Variants in CPLX1 observed in about 807,000 individuals in gnomAD.
The protein encoded by CPLX1 is complexin-1.
Under a neutral mutation model 15.6 loss-of-function variants are expected in CPLX1, and 6 were observed. The observed-to-expected ratio is 0.39, with a 90% CI of 0.21 to 0.76. The LOEUF (loss-of-function observed/expected upper bound fraction) is 0.76. Among genes scored for constraint, CPLX1 ranks in the 30% least tolerant of loss-of-function variants. CPLX1 has a pLI of 0.43. For missense variants in CPLX1, 242 were observed against 188.6 expected (o/e 1.28, Z -1.66); for synonymous variants, 91 against 75.2 (o/e 1.21, Z -1.08).
intron 2 of CPLX1, among the ~76,000 whole-genome samples, chr4:809,611 C>T (rs1262727082): frequency 6.6e-6 from 1 of 152,236 alleles, no homozygotes; most frequent in Non-Finnish European, 1.5e-5. Flanking sequence ...CCGTAACTCT[C>T]AGAACCCAAC....
At chr4:787,039 C>G in intron 3 of CPLX1, 1 of 985,374 alleles carries the variant, frequency 1.0e-6, no homozygotes, top group Non-Finnish European at 1.2e-6. Context: ...GCCTCCGGCC[C>G]GGGGCAGGGA....
intron 2 of CPLX1, among the ~76,000 whole-genome samples, chr4:812,344 T>C (rs1576995686): frequency 6.6e-6 from 1 of 152,216 alleles, no homozygotes; most frequent in African/African-American, 2.4e-5. Flanking sequence ...CCCAAAGTGC[T>C]GGGATTACAG....
At chr4:821,550 C>T (rs951224980) in intron 2 of CPLX1, among the ~76,000 whole-genome samples, 12 of 152,212 alleles carry the variant, frequency 7.9e-5, no homozygotes, top group Non-Finnish European at 4.4e-5. Context: ...GCAGTGACCA[C>T]GGCACCCACA....
chr4:801,689 C>A (rs989234386), intron 2 of CPLX1, among the ~76,000 whole-genome samples: 5 of 152,208 alleles, frequency 3.3e-5, no homozygotes, highest in African/African-American at 1.2e-4. Flanking sequence ...ACAGTGCACT[C>A]TTTGATGTTC....
chr4:825,666 G>C (rs1204011720), intron 1 of CPLX1, among the ~76,000 whole-genome samples: 1 of 151,774 alleles, frequency 6.6e-6, no homozygotes, highest in Non-Finnish European at 1.5e-5. Context: ...GGAGGAGGCC[G>C]GGCGCGGGCC....
At chr4:796,994 G>A (rs927323300) in intron 2 of CPLX1, among the ~76,000 whole-genome samples, 1 of 152,228 alleles carries the variant, frequency 6.6e-6, no homozygotes, top group Non-Finnish European at 1.5e-5. Flanking sequence ...GACAGAGGTG[G>A]AGGCTCAGGA....
chr4:819,527 C>T (rs138401320), intron 2 of CPLX1, among the ~76,000 whole-genome samples: 1 of 152,240 alleles, frequency 6.6e-6, no homozygotes, highest in Non-Finnish European at 1.5e-5. Context: ...TGCAAACTGC[C>T]TTTCGAGCAC....
At chr4:803,826 C>T (rs1378566993) in intron 2 of CPLX1, among the ~76,000 whole-genome samples, 3 of 152,198 alleles carry the variant, frequency 2.0e-5, no homozygotes, top group Non-Finnish European at 4.4e-5. Context: ...TGTGCCACCA[C>T]GCCTGGCTAA....
chr4:801,152 A>T (rs1198364825), intron 2 of CPLX1, among the ~76,000 whole-genome samples: 1 of 144,300 alleles, frequency 6.9e-6, no homozygotes, highest in East Asian at 2.0e-4. Flanking sequence ...ATCTCTACTA[A>T]AAAAAAAAAA....
intron 2 of CPLX1, among the ~76,000 whole-genome samples, chr4:822,660 A>G (rs143293869): frequency 1.1e-4 from 17 of 151,748 alleles, no homozygotes; most frequent in South Asian, 8.3e-4. Context: ...CTGTTTCTCA[A>G]TAGTTCTCTT....
rs1451248383 is a variant in CPLX1, at chr4:786,847, G to C, written c.208-149C>G. On this transcript the variant is annotated intron_variant, in intron 3 of 3. Coordinates refer to ENST00000304062, the MANE Select transcript of CPLX1 (RefSeq NM_006651.4). ...GCACACAAGGACCCCAGAAGGAGAA[G>C]AGACCCCACCCCGGGGGGTCCCTGG... 2.2e-6 allele frequency: 3 copies of C among 1,373,270 alleles called. No individual in the cohort carries two copies. The East Asian group carries it at 8.5e-5, about 39-fold the overall frequency. The allele number at this position is 1,373,270 out of a possible 1,614,324, so 85.1% of individuals were successfully genotyped here. A position where few individuals can be genotyped will look rare whatever the true frequency, so the allele number is the denominator to read the frequency against.
intron 2 of CPLX1, among the ~76,000 whole-genome samples, chr4:797,672 G>T (rs1273127174): frequency 6.6e-6 from 1 of 150,644 alleles, no homozygotes; most frequent in African/African-American, 2.4e-5. Flanking sequence ...GGTGGCTCAC[G>T]CCTGTAATCC....
At chr4:795,815 G>T (rs1285320833) in intron 2 of CPLX1, among the ~76,000 whole-genome samples, 1 of 150,006 alleles carries the variant, frequency 6.7e-6, no homozygotes, top group Non-Finnish European at 1.5e-5. Flanking sequence ...TGGGGGGGGG[G>T]TGCAGATCGC....
intron 3 of CPLX1, chr4:788,423 A>G: frequency 2.0e-6 from 2 of 985,296 alleles, no homozygotes; most frequent in Non-Finnish European, 2.4e-6. Context: ...CCACCTGGCC[A>G]CTGAGGAGAG....
At chr4:824,403 C>T in intron 2 of CPLX1, 89 bp downstream of exon 2, 1 of 1,224,644 alleles carries the variant, frequency 8.2e-7, no homozygotes, top group Non-Finnish European at 1.2e-6. Context: ...TGCAGGGGCG[C>T]TGCTGCGGTG....
intron 2 of CPLX1, among the ~76,000 whole-genome samples, chr4:797,442 C>G (rs1746363521): frequency 6.6e-6 from 1 of 152,190 alleles, no homozygotes; most frequent in Non-Finnish European, 1.5e-5. Flanking sequence ...ATTCTCCTGC[C>G]TCAGCCTCCC....
intron 2 of CPLX1, among the ~76,000 whole-genome samples, chr4:793,789 C>T (rs1406142114): frequency 1.3e-5 from 2 of 152,232 alleles, no homozygotes; most frequent in African/African-American, 4.8e-5. Flanking sequence ...TCTGCCCCCT[C>T]CTTGAAGGTC....
At chr4:801,326 G>GA (rs937510757) in intron 2 of CPLX1, among the ~76,000 whole-genome samples, 6 of 143,822 alleles carry the variant, frequency 4.2e-5, no homozygotes, top group African/African-American at 1.5e-4. Context: ...TGTCTCAAAA[G>GA]AAAAAAAAAA....
At chr4:822,417 C>T (rs949608507) in intron 2 of CPLX1, among the ~76,000 whole-genome samples, 2 of 151,950 alleles carry the variant, frequency 1.3e-5, no homozygotes, top group South Asian at 4.2e-4. Flanking sequence ...CTCCCTCTTT[C>T]TCTCTCTCCC....
Sources: allele counts gnomAD v4.1 joint callset (sites outside exome capture counted in the v4.1 genomes callset), GRCh38; gene constraint gnomAD v4.1.1; transcripts MANE v1.5; gene names NCBI Gene and HGNC (gene_info 2026-07-23, HGNC 2026-07-21).